The following PHLPP2 variants were observed in gnomAD, a reference collection of about 807,000 sequenced individuals.
PHLPP2 encodes PH domain leucine-rich repeat-containing protein phosphatase 2.
In PHLPP2, 66 loss-of-function variants were observed where a neutral mutation model predicts 124.9. The observed-to-expected ratio is 0.53, with a 90% CI of 0.43 to 0.65. PHLPP2 has a LOEUF of 0.65. PHLPP2 is among the 30% of genes least tolerant of loss of function. The pLI, the probability that PHLPP2 is intolerant of heterozygous loss-of-function variation, is 0.00. For missense variants in PHLPP2, 1,685 were observed against 1,600.4 expected, an observed-to-expected ratio of 1.05 and a Z score of -0.90; for synonymous variants, 681 against 624.7, an observed-to-expected ratio of 1.09 and a Z score of -1.34.
intron 16 of PHLPP2, 74 bp downstream of exon 16, chr16:71,656,497 T>G (rs1219291622): frequency 7.5e-6 from 6 of 800,906 alleles, no homozygotes; most frequent in Non-Finnish European, 1.3e-5. Flanking sequence ...CTAGCTATTA[T>G]GAGCATCAGG....
chr16:71,687,999 C>T (rs1025332799), intron 4 of PHLPP2, among the ~76,000 whole-genome samples: 2 of 152,142 alleles, frequency 1.3e-5, no homozygotes, highest in African/African-American at 2.4e-5. Context: ...CCTAACAGCT[C>T]CATAGGCCAG....
intron 10 of PHLPP2, 88 bp downstream of exon 10, chr16:71,672,174 G>T: frequency 2.3e-6 from 2 of 880,938 alleles, no homozygotes; most frequent in Non-Finnish European, 3.7e-6. Flanking sequence ...AAAATACTTA[G>T]ATTTCTTGTA....
chr16:71,667,340 G>A lies in PHLPP2; in HGVS notation c.1629-7C>T, dbSNP rs1246573551. ...ACTCAAGCTACTCAGAATTCTAAGG[G>A]GGGAGCATACAAACAAACACATTAA... On this transcript the variant is annotated splice_polypyrimidine_tract_variant and splice_region_variant and intron_variant, in intron 11 of 18. Transcript: ENST00000568954. 11 of 1,608,102 alleles carry A rather than the reference G, an allele frequency of 6.8e-6. No homozygotes were observed. The highest frequency in any genetic ancestry group is 1.7e-4 in the Middle Eastern group (1 of 6,056).
chr16:71,664,700 C>T (rs181249620), intron 12 of PHLPP2, among the ~76,000 whole-genome samples: 4 of 151,948 alleles, frequency 2.6e-5, no homozygotes, highest in South Asian at 4.2e-4. Flanking sequence ...TGCAGTGAGC[C>T]GAGATCGTGC....
At chr16:71,670,319 T>C (rs11862723) in intron 10 of PHLPP2, among the ~76,000 whole-genome samples, 129,440 of 152,120 alleles carry the variant, frequency 0.85, 55,234 homozygotes, top group East Asian at 0.99. Context: ...GGACAGAACC[T>C]TGGGGATAAT....
chr16:71,686,339 A>AT (rs2045054875), intron 4 of PHLPP2, among the ~76,000 whole-genome samples: 4 of 151,902 alleles, frequency 2.6e-5, no homozygotes, highest in Non-Finnish European at 4.4e-5. Context: ...TTCCTGGCTA[A>AT]TTTTTTATTT....
chr16:71,654,357 A>C (rs1285707128), intron 17 of PHLPP2, among the ~76,000 whole-genome samples: 1 of 152,158 alleles, frequency 6.6e-6, no homozygotes, highest in Non-Finnish European at 1.5e-5. Flanking sequence ...GGTTATACAG[A>C]TGTCCTCAAC....
At position 71,678,915 on chromosome 16, in the gene PHLPP2, G is replaced by A; in HGVS notation, c.1108C>T (p.Leu370Phe). 1 of 1,612,792 alleles carries A rather than the reference G, an allele frequency of 6.2e-7. No individual in the cohort carries two copies. The highest frequency in any genetic ancestry group is 8.5e-7 in the Non-Finnish European group (1 of 1,178,830). Residue 370 changes from leucine to phenylalanine, a missense_variant, in exon 8 of 19, where the codon CTT (leucine) becomes TTT (phenylalanine). Coordinates refer to ENST00000568954, the MANE Select transcript of PHLPP2 (RefSeq NM_015020.3). ...LPEELGNLQQ[L>F]SSLGISFNNF... ...TTGAAGGAAATTCCCAAGGAGGAAA[G>A]CTGTTGTAGATTTCCCAATTCTTCA...
intron 17 of PHLPP2, among the ~76,000 whole-genome samples, chr16:71,653,558 G>C (rs77314461): frequency 6.6e-6 from 1 of 152,092 alleles, no homozygotes; most frequent in Admixed American, 6.5e-5. Flanking sequence ...GCATCCACGC[G>C]TCTGTACTTG....
Position 71,676,585 on chromosome 16 carries a change from C to A in PHLPP2, c.1333G>T (p.Asp445Tyr). Reference protein sequence around the residue: ...LEGNKHITHVDLRDNRLTDLD... With the variant: ...LEGNKHITHVYLRDNRLTDLD... ...TCAGTCAGTCGGTTGTCCCGCAGATCCACGTGGGTGATGTGTTTATTTCCC... is the reference window on the plus strand; with the variant it reads ...TCAGTCAGTCGGTTGTCCCGCAGATACACGTGGGTGATGTGTTTATTTCCC... Residue 445 changes from aspartate to tyrosine, a missense_variant, in exon 9 of 19, where the codon GAT (aspartate) becomes TAT (tyrosine). Physicochemically the swap from Asp to Tyr is radical, Grantham distance 160. Coordinates refer to ENST00000568954, the MANE Select transcript of PHLPP2 (RefSeq NM_015020.3). 1 of 1,613,998 alleles carries A rather than the reference C, an allele frequency of 6.2e-7. No homozygotes were observed. The highest frequency in any genetic ancestry group is 8.5e-7 in the Non-Finnish European group (1 of 1,179,830).
intron 1 of PHLPP2, among the ~76,000 whole-genome samples, chr16:71,721,547 A>G (rs978352304): frequency 3.6e-4 from 55 of 152,324 alleles, no homozygotes; most frequent in African/African-American, 1.3e-3. Flanking sequence ...GTGAGCTATG[A>G]TCACACCACT....
At position 71,658,369 on chromosome 16, in the gene PHLPP2, A is replaced by G. The variant is rs116036666; in HGVS notation, c.2149-6T>C. On this transcript the variant is annotated splice_polypyrimidine_tract_variant and splice_region_variant and intron_variant, in intron 14 of 18. Transcript: ENST00000568954. The stretch of plus-strand genomic sequence containing the variant: ...TTGCAACTTAGGTCTACAAACTAAG[A>G]AAAAATTGAGAAATCAAAAGAAAAT... 7.5e-4 allele frequency: 1,210 copies of G among 1,611,004 alleles called. 13 individuals carry two copies. The African/African-American group carries it at 0.015, about 20-fold the overall frequency.
At chr16:71,660,010 T>TA (rs2044774643) in intron 13 of PHLPP2, among the ~76,000 whole-genome samples, 1 of 151,912 alleles carries the variant, frequency 6.6e-6, no homozygotes, top group Non-Finnish European at 1.5e-5. Context: ...TATTTTTAAA[T>TA]AACTAAGCTT....
intron 3 of PHLPP2, among the ~76,000 whole-genome samples, chr16:71,696,488 C>G (rs939078506): frequency 1.3e-5 from 2 of 151,744 alleles, no homozygotes; most frequent in Non-Finnish European, 2.9e-5. Flanking sequence ...AATACAAAAA[C>G]TAGCCAGGCA....
At chr16:71,706,548 G>C (rs1350644997) in intron 2 of PHLPP2, among the ~76,000 whole-genome samples, 1 of 152,036 alleles carries the variant, frequency 6.6e-6, no homozygotes, top group Non-Finnish European at 1.5e-5. Flanking sequence ...TGCCTATAAA[G>C]GTAAAATCTG....
rs752956303 is a variant in PHLPP2, at chr16:71,649,581, C to A, written c.3281G>T (p.Gly1094Val). The change falls in exon 19 of 19, where the codon GGG becomes GTG. Residue 1094 changes from glycine to valine, a missense_variant. Gly to Val is a moderately radical substitution (Grantham distance 109, BLOSUM62 -3). Coordinates refer to ENST00000568954, the MANE Select transcript of PHLPP2 (RefSeq NM_015020.3). Reference protein sequence around the residue: ...MSTSEVSSEVGSTASDEHNAG... With the variant: ...MSTSEVSSEVVSTASDEHNAG... ...ATTATGCTCATCAGAAGCAGTGGAC[C>A]CCACTTCACTGCTCACCTCTGAGGT... is the stretch of plus-strand genomic sequence containing the variant. The A allele has an allele frequency of 2.5e-6, 4 of 1,613,746 alleles. No individual in the cohort carries two copies. Among genetic ancestry groups the A allele is most frequent in the South Asian group, 1.1e-5 (1 of 91,078 alleles).
chr16:71,691,706 C>T (rs962245563), intron 3 of PHLPP2, among the ~76,000 whole-genome samples: 8 of 151,966 alleles, frequency 5.3e-5, no homozygotes, highest in African/African-American at 1.5e-4. Context: ...TCAACTATTC[C>T]GATCACGGTG....
intron 13 of PHLPP2, among the ~76,000 whole-genome samples, chr16:71,663,085 G>C (rs28649987): frequency 0.037 from 5,690 of 152,068 alleles, 354 homozygotes; most frequent in African/African-American, 0.13. Context: ...GTCTTTAACA[G>C]CCTGCCTTTC....
In PHLPP2 at chr16:71,668,140, G is replaced by C. The variant is rs188581155; in HGVS notation, c.1629-807C>G. 4.3e-3 allele frequency among the ~76,000 whole-genome samples: 655 copies of C among 151,736 alleles called. 11 individuals are homozygous for C. Among genetic ancestry groups the C allele is most frequent in the African/African-American group, 0.015 (635 of 41,360 alleles). ...AAGAGTGAAGGCTCTGGCCGGGGGT[G>C]GTGGCTCATGCCTGTAATCCCAGCA... On this transcript the variant is annotated intron_variant, in intron 11 of 18. Coordinates refer to ENST00000568954, the MANE Select transcript of PHLPP2 (RefSeq NM_015020.3).
Sources: allele counts gnomAD v4.1 joint callset (sites outside exome capture counted in the v4.1 genomes callset), GRCh38; gene constraint gnomAD v4.1.1; transcripts MANE v1.5; gene names NCBI Gene and HGNC (gene_info 2026-07-23, HGNC 2026-07-21).